The following RGS6 variants were observed in gnomAD, a reference collection of about 807,000 sequenced individuals.
The protein encoded by RGS6 is regulator of G protein signaling 6.
A neutral mutation model predicts 78.5 loss-of-function variants in RGS6; 30 were observed. That is an observed-to-expected ratio of 0.38 (90% CI 0.29 to 0.52). The LOEUF is 0.52. Among genes scored for constraint, RGS6 ranks in the 20% least tolerant of loss-of-function variants. RGS6 has a pLI of 0.85. For missense variants in RGS6, 495 were observed against 609.7 expected, an observed-to-expected ratio of 0.81 and a Z score of 1.98; for synonymous variants, 206 against 206.0, an observed-to-expected ratio of 1.00 and a Z score of 0.00.
intron 3 of RGS6, among the ~76,000 whole-genome samples, chr14:72,363,888 C>G (rs1040180174): frequency 6.8e-6 from 1 of 146,920 alleles, no homozygotes; most frequent in Non-Finnish European, 1.5e-5. Flanking sequence ...AATAGTCTTC[C>G]AACACAGGAG....
intron 3 of RGS6, among the ~76,000 whole-genome samples, chr14:72,404,064 C>T (rs12434729): frequency 0.23 from 35,501 of 152,108 alleles, 5,059 homozygotes; most frequent in South Asian, 0.39. Context: ...TTTCCCTGAC[C>T]TGGGATGGAC....
chr14:72,292,383 G>T lies in RGS6; in HGVS notation c.85-59712G>T, dbSNP rs72721877. 2.5e-3 allele frequency among the ~76,000 whole-genome samples: 374 copies of T among 152,302 alleles called. 1 individual carries two copies. Among genetic ancestry groups the T allele is most frequent in the Non-Finnish European group, 4.2e-3 (288 of 68,038 alleles). On this transcript the variant is annotated intron_variant, in intron 2 of 17. Coordinates refer to ENST00000553525, the MANE Select transcript of RGS6 (RefSeq NM_001204424.2). ...GCTTCTCTCACTGCCAAGGACAGAG[G>T]AGACTCTGGCTGGACAGGAGAAATT... is the stretch of plus-strand genomic sequence containing the variant.
At position 72,470,097 on chromosome 14, in the gene RGS6, A is replaced by G; in HGVS notation, c.536+14A>G. ...AGCACAAGTAAAGTAGGTGAACTTG[A>G]TAGAGACCTTTTCAGAGAGGAAAAG... On this transcript the variant is annotated intron_variant, in intron 8 of 17. Coordinates refer to ENST00000553525, the MANE Select transcript of RGS6 (RefSeq NM_001204424.2). 2 of 1,590,458 alleles carry G rather than the reference A, an allele frequency of 1.3e-6. No individual in the cohort carries two copies. The highest frequency in any genetic ancestry group is 1.7e-6 in the Non-Finnish European group (2 of 1,158,912).
intron 2 of RGS6, among the ~76,000 whole-genome samples, chr14:72,216,491 A>T (rs189058320): frequency 1.3e-5 from 2 of 152,350 alleles, no homozygotes; most frequent in Admixed American, 1.3e-4. Flanking sequence ...AGGAATCCCT[A>T]CCATGTAGGG....
At chr14:72,427,961 C>T (rs2094493269) in intron 3 of RGS6, among the ~76,000 whole-genome samples, 1 of 152,160 alleles carries the variant, frequency 6.6e-6, no homozygotes, top group African/African-American at 2.4e-5. Flanking sequence ...ATTTTCCCTT[C>T]CAACCCCAAT....
Position 72,344,112 on chromosome 14 carries a change from A to C in RGS6, c.85-7983A>C, listed in dbSNP as rs149220631. On this transcript the variant is annotated intron_variant, in intron 2 of 17. Coordinates refer to ENST00000553525, the MANE Select transcript of RGS6 (RefSeq NM_001204424.2). Reference sequence around the variant, plus strand: ...TATTCCAGCCAAGCTCAGGGGAAAGACATTTTCCCTAAAGTATCAACAAGC... The same window carrying C: ...TATTCCAGCCAAGCTCAGGGGAAAGCCATTTTCCCTAAAGTATCAACAAGC... Among the ~76,000 whole-genome samples the C allele has an allele frequency of 7.9e-5, 12 of 152,244 alleles. No homozygotes were observed. In the East Asian group the frequency reaches 2.4e-3, roughly 30 times the overall value.
the RGS6 span, among the ~76,000 whole-genome samples, chr14:71,870,757 T>A: frequency 2.0e-5 from 3 of 152,098 alleles, no homozygotes; most frequent in African/African-American, 7.2e-5. Flanking sequence ...GACAACCAGG[T>A]GCATAGGGGC....
intron 2 of RGS6, among the ~76,000 whole-genome samples, chr14:72,097,876 TATC>T (rs2095441964): frequency 6.6e-6 from 1 of 152,168 alleles, no homozygotes; most frequent in African/African-American, 2.4e-5. Context: ...CTTAGCCTGA[TATC>T]ATCAGCCAAG....
chr14:72,612,157 C>G, the RGS6 span, among the ~76,000 whole-genome samples: 5 of 152,168 alleles, frequency 3.3e-5, no homozygotes, highest in African/African-American at 1.2e-4. Flanking sequence ...GGTGGACAAC[C>G]ATGGCAGATG....
chr14:72,344,064 G>T (rs1404675899), intron 2 of RGS6, among the ~76,000 whole-genome samples: 1 of 152,170 alleles, frequency 6.6e-6, no homozygotes, highest in Non-Finnish European at 1.5e-5. Context: ...AAACAAGAAA[G>T]ATGATGCCTT....
intron 14 of RGS6, among the ~76,000 whole-genome samples, chr14:72,514,976 C>T (rs2096922582): frequency 6.6e-6 from 1 of 152,120 alleles, no homozygotes; most frequent in Non-Finnish European, 1.5e-5. Flanking sequence ...CTGTGGGGCT[C>T]GAAGATGGCC....
chr14:72,002,438 A>G (rs1040205718), intron 2 of RGS6, among the ~76,000 whole-genome samples: 2 of 152,314 alleles, frequency 1.3e-5, no homozygotes, highest in Middle Eastern at 3.4e-3. Context: ...TAAGGTTTGT[A>G]TAACATCAGG....
chr14:72,369,387 G>A (rs1331502167), intron 3 of RGS6, among the ~76,000 whole-genome samples: 2 of 152,180 alleles, frequency 1.3e-5, no homozygotes, highest in Admixed American at 6.5e-5. Context: ...ATTGTGGCCT[G>A]GTGAAACCAA....
At chr14:72,203,222 G>A (rs530865774) in intron 2 of RGS6, among the ~76,000 whole-genome samples, 2 of 152,260 alleles carry the variant, frequency 1.3e-5, no homozygotes, top group African/African-American at 4.8e-5. Context: ...GTCACTTTAT[G>A]TATTGTCTCT....
chr14:72,470,976 C>G (rs2096063826), intron 8 of RGS6, among the ~76,000 whole-genome samples: 1 of 151,918 alleles, frequency 6.6e-6, no homozygotes, highest in Non-Finnish European at 1.5e-5. Context: ...AGGTGTGTAT[C>G]TATAGGCCTC....
At chr14:72,299,900 G>GTT (rs1199700075) in intron 2 of RGS6, among the ~76,000 whole-genome samples, 1 of 151,966 alleles carries the variant, frequency 6.6e-6, no homozygotes, top group African/African-American at 2.4e-5. Flanking sequence ...TTCTTAATGA[G>GTT]TCTAAATAGG....
intron 2 of RGS6, among the ~76,000 whole-genome samples, chr14:72,204,633 C>A (rs1432810865): frequency 6.6e-6 from 1 of 152,228 alleles, no homozygotes; most frequent in Admixed American, 6.5e-5. Context: ...ACAGGTGGCA[C>A]CTTCTTGCTG....
intron 3 of RGS6, among the ~76,000 whole-genome samples, chr14:72,428,628 G>A (rs1179827261): frequency 6.6e-6 from 1 of 152,166 alleles, no homozygotes; most frequent in Non-Finnish European, 1.5e-5. Context: ...ACCCACTTGT[G>A]ATGGCTCCTG....
chr14:72,065,548 T>A (rs572737228), intron 2 of RGS6, among the ~76,000 whole-genome samples: 6 of 152,280 alleles, frequency 3.9e-5, no homozygotes, highest in African/African-American at 1.4e-4. Flanking sequence ...ATAAAATGTC[T>A]TCCCTTTACA....
Sources: allele counts gnomAD v4.1 joint callset (sites outside exome capture counted in the v4.1 genomes callset), GRCh38; gene constraint gnomAD v4.1.1; transcripts MANE v1.5; gene names NCBI Gene and HGNC (gene_info 2026-07-23, HGNC 2026-07-21).